GRIN2B: variants seen among roughly 807,000 people sequenced by gnomAD.
The protein encoded by GRIN2B is glutamate ionotropic receptor NMDA type subunit 2B, also known as glutamate receptor ionotropic, NMDA 2B.
In GRIN2B, 5 loss-of-function variants were observed where a neutral mutation model predicts 114.5. That is an observed-to-expected ratio of 0.04 (90% CI 0.02 to 0.09). The LOEUF (loss-of-function observed/expected upper bound fraction) is 0.09. Ranked by LOEUF, GRIN2B falls within the 10% of genes least tolerant of loss-of-function variation. The pLI is 1.00. For missense variants in GRIN2B, 1,108 were observed against 1,943.5 expected, an observed-to-expected ratio of 0.57 and a Z score of 8.08; for synonymous variants, 787 against 745.1, an observed-to-expected ratio of 1.06 and a Z score of -0.92.
At chr12:13,799,413 A>G (rs141326720) in intron 3 of GRIN2B, among the ~76,000 whole-genome samples, 23 of 152,268 alleles carry the variant, frequency 1.5e-4, no homozygotes, top group African/African-American at 2.2e-4. Context: ...AGGGACTGTC[A>G]ATCTGGCACC....
intron 5 of GRIN2B, among the ~76,000 whole-genome samples, chr12:13,635,587 G>A (rs1949659783): frequency 6.6e-6 from 1 of 152,186 alleles, no homozygotes; most frequent in South Asian, 2.1e-4. Flanking sequence ...GCAGACGTAA[G>A]TAGCAATCAA....
At chr12:13,811,778 T>C (rs549531546) in intron 3 of GRIN2B, among the ~76,000 whole-genome samples, 1 of 152,250 alleles carries the variant, frequency 6.6e-6, no homozygotes, top group African/African-American at 2.4e-5. Flanking sequence ...CTAGCCTGAC[T>C]GGAGAGTGGA....
intron 3 of GRIN2B, among the ~76,000 whole-genome samples, chr12:13,798,176 C>T (rs1399767411): frequency 6.6e-6 from 1 of 152,196 alleles, no homozygotes; most frequent in African/African-American, 2.4e-5. Context: ...ATTCTCCTTC[C>T]TCAGTAACCT....
At chr12:13,654,614 A>T (rs1949845359) in intron 5 of GRIN2B, among the ~76,000 whole-genome samples, 1 of 152,116 alleles carries the variant, frequency 6.6e-6, no homozygotes. Context: ...TCTGTTTCCA[A>T]CAATTTACTT....
In GRIN2B at chr12:13,561,017, CCACCCTGTGTAGG is replaced by C. The variant is rs1948536008; in HGVS notation, c.*1753_*1765del. 6.6e-6 allele frequency: 1 copy of C among 152,146 alleles called. No individual in the cohort carries two copies. Among genetic ancestry groups the C allele is most frequent in the African/African-American group, 2.4e-5 (1 of 41,422 alleles). The allele number at this position is 152,146 out of a possible 1,614,324, so 9.4% of individuals were successfully genotyped here. A position where few individuals can be genotyped will look rare whatever the true frequency, so the allele number is the denominator to read the frequency against. The stretch of plus-strand genomic sequence containing the variant: ...ACACAGACCTGGGGCTCTCTGGATG[CCACCCTGTGTAGG>C]GGAGGATGGCAGGACAGTGGAACTG... On this transcript the variant is annotated 3_prime_UTR_variant, in exon 14 of 14. Transcript: ENST00000609686.
chr12:13,825,496 T>TTTTTTGTGTGTGTGTGTG (rs375940899), intron 3 of GRIN2B, among the ~76,000 whole-genome samples: 2 of 122,994 alleles, frequency 1.6e-5, no homozygotes, highest in African/African-American at 6.2e-5. Flanking sequence ...TATATATATT[T>TTTTTTGTGTGTGTGTGTG]TGTGTGTGTG....
At chr12:13,793,238 T>C (rs1777126228) in intron 3 of GRIN2B, among the ~76,000 whole-genome samples, 1 of 152,122 alleles carries the variant, frequency 6.6e-6, no homozygotes, top group Non-Finnish European at 1.5e-5. Context: ...CTGGCCAACA[T>C]GGTGAAACCC....
At chr12:13,809,989 T>C (rs751672649) in intron 3 of GRIN2B, among the ~76,000 whole-genome samples, 4 of 152,142 alleles carry the variant, frequency 2.6e-5, no homozygotes, top group Non-Finnish European at 5.9e-5. Context: ...TGCCTTGAAC[T>C]TCCAGAATCA....
chr12:13,687,363 A>T (rs2300242), intron 4 of GRIN2B, among the ~76,000 whole-genome samples: 83,970 of 151,838 alleles, frequency 0.55, 23,715 homozygotes, highest in Non-Finnish European at 0.6. Flanking sequence ...TCCTTATACA[A>T]CTCAGGCTAG....
chr12:13,572,066 T>G, intron 10 of GRIN2B, 102 bp from the exon 11 acceptor site: 1 of 921,004 alleles, frequency 1.1e-6, no homozygotes, highest in East Asian at 2.6e-5. Flanking sequence ...TAAGTTAGCA[T>G]TAGTGGATTT....
chr12:13,638,193 G>A lies in GRIN2B; in HGVS notation c.1126-21536C>T, dbSNP rs541181975. 1.9e-3 allele frequency among the ~76,000 whole-genome samples: 285 copies of A among 152,176 alleles called. 1 individual carries two copies. Among genetic ancestry groups the A allele is most frequent in the South Asian group, 3.5e-3 (17 of 4,810 alleles). On this transcript the variant is annotated intron_variant, in intron 5 of 13. Transcript: ENST00000609686. ...CAAAAGCTCATTTCCAATGGTTTAA[G>A]TACACAAGAGACAACTTCTCAGACA... is the stretch of plus-strand genomic sequence containing the variant.
intron 5 of GRIN2B, among the ~76,000 whole-genome samples, chr12:13,638,645 T>C (rs934720674): frequency 6.6e-6 from 1 of 152,104 alleles, no homozygotes; most frequent in Non-Finnish European, 1.5e-5. Context: ...CCATCTCTGT[T>C]TGAACTCTCA....
At chr12:13,912,661 T>C (rs1866644522) in intron 2 of GRIN2B, among the ~76,000 whole-genome samples, 1 of 152,120 alleles carries the variant, frequency 6.6e-6, no homozygotes, top group South Asian at 2.1e-4. Flanking sequence ...GTGCCCTTAA[T>C]ATTTGGAGGT....
intron 3 of GRIN2B, among the ~76,000 whole-genome samples, chr12:13,832,583 C>A (rs535113411): frequency 6.6e-6 from 1 of 152,122 alleles, no homozygotes; most frequent in Non-Finnish European, 1.5e-5. Context: ...ATAATTTTAA[C>A]CTGCCTTTTT....
rs551440728 is a variant in GRIN2B at position 13,551,435 on chromosome 12, G to A, written c.*11348C>T. On this transcript the variant is annotated 3_prime_UTR_variant, in exon 14 of 14. Transcript: ENST00000609686. ...TAGGGTAAAATGGGAAAATGGAGAC[G>A]ATAACTAGGTTGTTTCATCACAAAG... 6.6e-6 allele frequency: 1 copy of A among 152,248 alleles called. No individual in the cohort carries two copies. The highest frequency in any genetic ancestry group is 1.9e-4 in the East Asian group (1 of 5,186). The allele number at this position is 152,248 out of a possible 1,614,324, so 9.4% of individuals were successfully genotyped here.
intron 5 of GRIN2B, among the ~76,000 whole-genome samples, chr12:13,647,836 G>T (rs912773882): frequency 1.3e-5 from 2 of 152,092 alleles, no homozygotes; most frequent in African/African-American, 4.8e-5. Context: ...GAAGCCTAGG[G>T]CCTATGAATA....
intron 10 of GRIN2B, among the ~76,000 whole-genome samples, chr12:13,587,020 AACAG>A (rs1345581041): frequency 9.2e-5 from 14 of 152,218 alleles, no homozygotes; most frequent in South Asian, 2.1e-4. Flanking sequence ...TAGTGAACAA[AACAG>A]ACAAATTCTT....
At chr12:13,632,946 C>T (rs934559187) in intron 5 of GRIN2B, among the ~76,000 whole-genome samples, 1 of 152,150 alleles carries the variant, frequency 6.6e-6, no homozygotes, top group Non-Finnish European at 1.5e-5. Context: ...TCTGTGGCAA[C>T]CTATTGATTT....
At chr12:13,921,718 T>C (rs1866827779) in intron 2 of GRIN2B, among the ~76,000 whole-genome samples, 1 of 152,148 alleles carries the variant, frequency 6.6e-6, no homozygotes, top group Admixed American at 6.5e-5. Context: ...TCCATATAAA[T>C]CTTTTCTTAG....
Sources: allele counts gnomAD v4.1 joint callset (sites outside exome capture counted in the v4.1 genomes callset), GRCh38; gene constraint gnomAD v4.1.1; transcripts MANE v1.5; gene names NCBI Gene and HGNC (gene_info 2026-07-23, HGNC 2026-07-21).